Variants in GNAQ observed in about 807,000 individuals in gnomAD.
GNAQ encodes the protein G protein subunit alpha q.
GNAQ carries 8 observed loss-of-function variants against 43.9 expected under a neutral mutation model. The observed-to-expected ratio is 0.18, with a 90% confidence interval of 0.11 to 0.33. GNAQ has a LOEUF of 0.33. Ranked by LOEUF, GNAQ falls within the 10% of genes least tolerant of loss-of-function variation. GNAQ has a pLI of 1.00. For synonymous variants in GNAQ, 155 were observed against 170.7 expected, an observed-to-expected ratio of 0.91 and a Z score of 0.71; for missense variants, 158 against 450.8, an observed-to-expected ratio of 0.35 and a Z score of 5.88.
intron 2 of GNAQ, among the ~76,000 whole-genome samples, chr9:77,892,934 C>T (rs1206683723): frequency 6.6e-6 from 1 of 152,134 alleles, no homozygotes; most frequent in African/African-American, 2.4e-5. Context: ...GGAATATATG[C>T]ATATTTGAAT....
chr9:77,820,863 A>G (rs1471050043), intron 2 of GNAQ, among the ~76,000 whole-genome samples: 1 of 152,240 alleles, frequency 6.6e-6, no homozygotes, highest in Non-Finnish European at 1.5e-5. Flanking sequence ...AGATGGAACA[A>G]TTTGTTGTAG....
At chr9:77,826,626 G>A (rs1042348770) in intron 2 of GNAQ, among the ~76,000 whole-genome samples, 2 of 152,152 alleles carry the variant, frequency 1.3e-5, no homozygotes, top group Admixed American at 1.3e-4. Flanking sequence ...AAGGGCCTAC[G>A]GCTTTGGAGT....
chr9:77,863,220 G>GGAAGGA (rs1564133751), intron 2 of GNAQ, among the ~76,000 whole-genome samples: 89 of 34,326 alleles, frequency 2.6e-3, no homozygotes, highest in South Asian at 9.4e-3. Context: ...GGAAGGAAGG[G>GGAAGGA]AGGAAGGAAG....
chr9:77,758,343 G>C (rs1050527175), intron 5 of GNAQ, among the ~76,000 whole-genome samples: 2 of 152,124 alleles, frequency 1.3e-5, no homozygotes, highest in Non-Finnish European at 2.9e-5. Context: ...TAAATTGAAA[G>C]CCTTGTACAA....
intron 5 of GNAQ, among the ~76,000 whole-genome samples, chr9:77,788,057 A>AC (rs1427002981): frequency 6.6e-6 from 1 of 152,136 alleles, no homozygotes; most frequent in Non-Finnish European, 1.5e-5. Flanking sequence ...ACAAAACAAA[A>AC]CACACCCAAA....
rs967327169 is a variant in GNAQ, at chr9:77,728,680, A to G, written c.736-13T>C. 9 of 1,551,272 alleles carry G rather than the reference A, an allele frequency of 5.8e-6. No individual in the cohort carries two copies. In the African/African-American group the frequency reaches 9.7e-5, roughly 17 times the overall value. On this transcript the variant is annotated splice_polypyrimidine_tract_variant and intron_variant, in intron 5 of 6. Coordinates refer to ENST00000286548, the MANE Select transcript of GNAQ (RefSeq NM_002072.5). ...CCTCCATTCGGTTCTGGAAAAAAAA[A>G]AAAAATCAGAAAAAACAAGGAGTGA...
intron 1 of GNAQ, among the ~76,000 whole-genome samples, chr9:77,929,424 A>G (rs532284712): frequency 6.6e-6 from 1 of 152,344 alleles, no homozygotes; most frequent in East Asian, 1.9e-4. Flanking sequence ...TATTAATAAA[A>G]CTTACAAATA....
At chr9:77,998,158 GCTCGGCTTC>G (rs1305588305) in intron 1 of GNAQ, among the ~76,000 whole-genome samples, 1 of 152,202 alleles carries the variant, frequency 6.6e-6, no homozygotes, top group Non-Finnish European at 1.5e-5. Context: ...GGGTCAAGCT[GCTCGGCTTC>G]CTGTTGAAGT....
chr9:78,025,618 C>G (rs1368974514), intron 1 of GNAQ, among the ~76,000 whole-genome samples: 2 of 152,114 alleles, frequency 1.3e-5, no homozygotes, highest in African/African-American at 4.8e-5. Flanking sequence ...TTGTATTTTC[C>G]TCAACCCAAT....
intron 2 of GNAQ, among the ~76,000 whole-genome samples, chr9:77,908,546 A>G (rs1191018412): frequency 3.9e-5 from 6 of 152,220 alleles, no homozygotes; most frequent in African/African-American, 1.4e-4. Flanking sequence ...TGTTGATGTT[A>G]TTGTCCCAAA....
At chr9:77,916,177 A>T (rs1307362763) in intron 2 of GNAQ, among the ~76,000 whole-genome samples, 1 of 152,166 alleles carries the variant, frequency 6.6e-6, no homozygotes, top group Non-Finnish European at 1.5e-5. Flanking sequence ...TTTTCAGATA[A>T]ATTCATTTTC....
intron 5 of GNAQ, among the ~76,000 whole-genome samples, chr9:77,733,687 G>C (rs1258988758): frequency 2.6e-5 from 4 of 152,150 alleles, no homozygotes; most frequent in Non-Finnish European, 5.9e-5. Flanking sequence ...TGAGATGCTG[G>C]GCATGAGCAT....
At chr9:77,781,895 C>A (rs938976606) in intron 5 of GNAQ, among the ~76,000 whole-genome samples, 4 of 152,064 alleles carry the variant, frequency 2.6e-5, no homozygotes, top group Admixed American at 1.3e-4. Flanking sequence ...ATTAAAAAAT[C>A]TACAGCTAAT....
intron 5 of GNAQ, among the ~76,000 whole-genome samples, chr9:77,761,226 A>C (rs1234211035): frequency 1.5e-5 from 2 of 134,808 alleles, no homozygotes; most frequent in African/African-American, 2.8e-5. Context: ...CCTACTGGGA[A>C]GTGAGGAGCC....
At chr9:77,780,056 A>AT (rs1466880006) in intron 5 of GNAQ, among the ~76,000 whole-genome samples, 1 of 151,942 alleles carries the variant, frequency 6.6e-6, no homozygotes, top group Non-Finnish European at 1.5e-5. Context: ...AGCAATATGT[A>AT]TAATGCATAG....
chr9:77,862,171 G>T (rs745457949), intron 2 of GNAQ, among the ~76,000 whole-genome samples: 2 of 152,042 alleles, frequency 1.3e-5, no homozygotes, highest in Non-Finnish European at 2.9e-5. Flanking sequence ...AGCTCTCGGT[G>T]AATCTACCAC....
intron 2 of GNAQ, among the ~76,000 whole-genome samples, chr9:77,870,467 A>T (rs1828019062): frequency 2.6e-5 from 4 of 151,550 alleles, no homozygotes; most frequent in Non-Finnish European, 4.4e-5. Context: ...CTGGGACTAC[A>T]GGCGCCTGCC....
chr9:77,904,036 C>G (rs1828661358), intron 2 of GNAQ, among the ~76,000 whole-genome samples: 1 of 152,254 alleles, frequency 6.6e-6, no homozygotes, highest in South Asian at 2.1e-4. Context: ...ATTTCCATAT[C>G]AACTTGGATA....
chr9:77,887,859 C>T (rs969070739), intron 2 of GNAQ, among the ~76,000 whole-genome samples: 3 of 152,076 alleles, frequency 2.0e-5, no homozygotes, highest in Non-Finnish European at 4.4e-5. Context: ...TCATTTTGTC[C>T]ACACCCTTTC....
Sources: gnomAD v4.1 joint callset for allele counts (sites outside exome capture counted in the v4.1 genomes callset) on GRCh38, gnomAD v4.1.1 for gene constraint, MANE v1.5 for transcripts, NCBI Gene and HGNC (gene_info 2026-07-23, HGNC 2026-07-21) for gene names.